Variants in ARHGAP42 observed in about 807,000 individuals in gnomAD.
ARHGAP42 encodes the protein rho GTPase-activating protein 42.
In ARHGAP42, 63 loss-of-function variants were observed where a neutral mutation model predicts 125.0. The observed-to-expected ratio is 0.50, with a 90% CI of 0.41 to 0.62. The LOEUF (loss-of-function observed/expected upper bound fraction) is 0.62. ARHGAP42 is among the 20% of genes least tolerant of loss of function. ARHGAP42 has a pLI of 0.00. For synonymous variants in ARHGAP42, 339 were observed against 351.0 expected, an observed-to-expected ratio of 0.97 and a Z score of 0.38; for missense variants, 766 against 1,024.2, an observed-to-expected ratio of 0.75 and a Z score of 3.44.
chr11:100,961,963 T>C (rs1857966571), intron 15 of ARHGAP42, among the ~76,000 whole-genome samples, 195 bp downstream of exon 15: 1 of 152,328 alleles, frequency 6.6e-6, no homozygotes, highest in Middle Eastern at 3.4e-3. Context: ...TTTTCAATAA[T>C]AATTTAAAAG....
At chr11:100,924,784 T>C (rs1867374884) in intron 6 of ARHGAP42, among the ~76,000 whole-genome samples, 3 of 152,052 alleles carry the variant, frequency 2.0e-5, no homozygotes, top group African/African-American at 7.3e-5. Flanking sequence ...ATAAATAAGC[T>C]ACGTGTTATT....
chr11:100,885,416 C>T (rs1014957893), intron 4 of ARHGAP42, among the ~76,000 whole-genome samples: 1 of 152,168 alleles, frequency 6.6e-6, no homozygotes, highest in Non-Finnish European at 1.5e-5. Flanking sequence ...CCCTTACTGC[C>T]TTAAAAATTG....
At chr11:100,806,680 A>G (rs1863998600) in intron 3 of ARHGAP42, among the ~76,000 whole-genome samples, 2 of 152,206 alleles carry the variant, frequency 1.3e-5, no homozygotes, top group South Asian at 2.1e-4. Flanking sequence ...GATGCTTTCC[A>G]TCTCCTGATT....
At chr11:100,749,178 G>T (rs1426829578) in intron 1 of ARHGAP42, among the ~76,000 whole-genome samples, 9 of 152,074 alleles carry the variant, frequency 5.9e-5, no homozygotes, top group Non-Finnish European at 2.9e-5. Context: ...TCTTACTACC[G>T]AAGGCTTATG....
intron 2 of ARHGAP42, among the ~76,000 whole-genome samples, chr11:100,775,439 C>T (rs1252319379): frequency 6.6e-6 from 1 of 152,126 alleles, no homozygotes; most frequent in Non-Finnish European, 1.5e-5. Flanking sequence ...TATGTAAATA[C>T]AAAAACAATA....
At chr11:100,780,610 ATTG>A (rs1412832576) in intron 2 of ARHGAP42, among the ~76,000 whole-genome samples, 1 of 152,224 alleles carries the variant, frequency 6.6e-6, no homozygotes, top group African/African-American at 2.4e-5. Context: ...TAAGAGCGAC[ATTG>A]TTAAAGCCGA....
At chr11:100,961,626 A>C in intron 14 of ARHGAP42, 58 bp from the exon 15 acceptor site, 1 of 1,456,298 alleles carries the variant, frequency 6.9e-7, no homozygotes, top group South Asian at 1.3e-5. Context: ...ATTTTTCATA[A>C]TTGCATAAGA....
At chr11:100,871,674 C>T (rs1023059199) in intron 4 of ARHGAP42, among the ~76,000 whole-genome samples, 2 of 152,114 alleles carry the variant, frequency 1.3e-5, no homozygotes, top group Admixed American at 6.5e-5. Context: ...ATTGAGCACA[C>T]GTTTGTCAAA....
At chr11:100,828,705 G>A (rs1418330190) in intron 3 of ARHGAP42, among the ~76,000 whole-genome samples, 2 of 129,262 alleles carry the variant, frequency 1.5e-5, no homozygotes, top group Non-Finnish European at 3.3e-5. Context: ...TTTTTTTTTT[G>A]GAGACAGGGT....
At chr11:100,986,135 C>T (rs1444903935) in intron 22 of ARHGAP42, 1 of 454,644 alleles carries the variant, frequency 2.2e-6, no homozygotes, top group African/African-American at 2.0e-5. Context: ...TTTATTGTGT[C>T]TAGGGGAGAA....
intron 4 of ARHGAP42, among the ~76,000 whole-genome samples, chr11:100,887,122 T>C (rs1307066608): frequency 1.3e-5 from 2 of 152,124 alleles, no homozygotes; most frequent in African/African-American, 4.8e-5. Flanking sequence ...TAAAATATAA[T>C]AGGAGGAACA....
chr11:100,868,541 T>G (rs983097165), intron 4 of ARHGAP42, among the ~76,000 whole-genome samples: 2 of 152,200 alleles, frequency 1.3e-5, no homozygotes. Flanking sequence ...GTAATCTAAC[T>G]AGTAAGGAGT....
At position 100,727,941 on chromosome 11, in the gene ARHGAP42, G is replaced by A. The variant is rs574314886; in HGVS notation, c.154+40109G>A. 1.3e-4 allele frequency among the ~76,000 whole-genome samples: 20 copies of A among 152,218 alleles called. 1 individual carries two copies. Among genetic ancestry groups the A allele is most frequent in the Admixed American group, 9.8e-4 (15 of 15,294 alleles). Reference sequence around the variant, plus strand: ...TTGTGATTGGCATCTGAAGTGCAGGGCAGTCTTGTGGGAGTGAGCCCCTAA... The same window carrying A: ...TTGTGATTGGCATCTGAAGTGCAGGACAGTCTTGTGGGAGTGAGCCCCTAA... On this transcript the variant is annotated intron_variant, in intron 1 of 23. Coordinates refer to ENST00000298815, the MANE Select transcript of ARHGAP42 (RefSeq NM_152432.4).
intron 3 of ARHGAP42, among the ~76,000 whole-genome samples, chr11:100,845,030 A>G (rs538241364): frequency 6.6e-6 from 1 of 152,274 alleles, no homozygotes; most frequent in African/African-American, 2.4e-5. Flanking sequence ...AAAAACGTGG[A>G]TACAACCCAA....
At chr11:100,809,530 C>CT (rs766392824) in intron 3 of ARHGAP42, among the ~76,000 whole-genome samples, 23 of 152,180 alleles carry the variant, frequency 1.5e-4, no homozygotes, top group Admixed American at 3.9e-4. Context: ...TTTTACAAGA[C>CT]TTAGAAACAT....
rs373687892 is a variant in ARHGAP42, at chr11:100,757,682, A to G, written c.155-12661A>G. On this transcript the variant is annotated intron_variant, in intron 1 of 23. Transcript: ENST00000298815. ...AAATAGTTTCAAAAATTGCTTTAGT[A>G]TGTCAAAATGGGGTAGGATAGCAGA... is the stretch of plus-strand genomic sequence containing the variant. 2.6e-5 allele frequency among the ~76,000 whole-genome samples: 4 copies of G among 152,320 alleles called. No individual in the cohort carries two copies. The East Asian group carries it at 5.8e-4, about 22-fold the overall frequency.
chr11:100,857,082 C>T (rs960029113), intron 3 of ARHGAP42, among the ~76,000 whole-genome samples: 3 of 152,102 alleles, frequency 2.0e-5, no homozygotes, highest in South Asian at 2.1e-4. Context: ...TAGTATTTGA[C>T]GCATTAGAAA....
intron 1 of ARHGAP42, among the ~76,000 whole-genome samples, chr11:100,701,111 A>G (rs117056285): frequency 1.2e-3 from 182 of 151,196 alleles, no homozygotes; most frequent in African/African-American, 4.1e-3. Context: ...AACCAGGTAC[A>G]TTGTCAATGA....
chr11:100,905,209 A>G (rs1866690906), intron 4 of ARHGAP42, among the ~76,000 whole-genome samples: 2 of 152,244 alleles, frequency 1.3e-5, no homozygotes, highest in African/African-American at 2.4e-5. Context: ...CTAAGATTGA[A>G]AAAGGAAAGT....
Sources: allele counts gnomAD v4.1 joint callset (sites outside exome capture counted in the v4.1 genomes callset), GRCh38; gene constraint gnomAD v4.1.1; transcripts MANE v1.5; gene names NCBI Gene and HGNC (gene_info 2026-07-23, HGNC 2026-07-21).